Variants in SQOR observed in about 807,000 individuals in gnomAD.
SQOR encodes the protein sulfide:quinone oxidoreductase, mitochondrial.
In SQOR, 39 loss-of-function variants were observed where a neutral mutation model predicts 48.6. The observed-to-expected ratio is 0.80, with a 90% confidence interval of 0.62 to 1.05. SQOR has a LOEUF of 1.05. SQOR is among the 50% of genes least tolerant of loss of function. The pLI is 0.00. For synonymous variants in SQOR, 220 were observed against 206.2 expected (o/e 1.07, Z -0.57); for missense variants, 561 against 559.9 (o/e 1.00, Z -0.02).
rs151223533 is a variant in SQOR, at chr15:45,646,163, G to T, written c.-18+11055G>T. Among the ~76,000 whole-genome samples, 1,374 of 152,238 alleles carry T rather than the reference G, an allele frequency of 9.0e-3. 17 individuals carry two copies. Among genetic ancestry groups the T allele is most frequent in the African/African-American group, 0.032 (1,330 of 41,540 alleles). ...AACCCAGATCTGCCCCTGCTTAGAG[G>T]CCGGCCCCTCTAGGAGACAGCATGT... On this transcript the variant is annotated intron_variant, in intron 1 of 9. Transcript: ENST00000260324.
At chr15:45,640,496 A>C (rs1895086078) in intron 1 of SQOR, among the ~76,000 whole-genome samples, 1 of 152,150 alleles carries the variant, frequency 6.6e-6, no homozygotes. Context: ...CACAGAAGAG[A>C]CGTGAGCTGT....
chr15:45,643,352 C>T (rs575868889), intron 1 of SQOR, among the ~76,000 whole-genome samples: 22 of 152,250 alleles, frequency 1.4e-4, no homozygotes, highest in African/African-American at 2.9e-4. Flanking sequence ...CGTGCCACCA[C>T]GCCCAGCTAA....
intron 1 of SQOR, among the ~76,000 whole-genome samples, chr15:45,642,659 G>C (rs1352146644): frequency 2.0e-5 from 3 of 152,112 alleles, no homozygotes; most frequent in Non-Finnish European, 4.4e-5. Context: ...GATTCTCATT[G>C]CAAGTGATTC....
At chr15:45,661,290 TAAAAAAAAAAAAAAAAA>T (rs34286267) in intron 2 of SQOR, among the ~76,000 whole-genome samples, 2 of 67,528 alleles carry the variant, frequency 3.0e-5, no homozygotes, top group Admixed American at 3.8e-4. Context: ...GACTCTGTCT[TAAAAAAAAAAAAAAAAA>T]AAAAAAAGGA....
At chr15:45,682,446 A>C (rs772989567) in intron 6 of SQOR, 32 bp from the exon 7 acceptor site, 1 of 1,611,534 alleles carries the variant, frequency 6.2e-7, no homozygotes, top group Non-Finnish European at 8.5e-7. Flanking sequence ...ATATTGAATA[A>C]ATGAAAATGT....
At chr15:45,684,144 T>C (rs1451643433) in intron 7 of SQOR, among the ~76,000 whole-genome samples, 1 of 152,136 alleles carries the variant, frequency 6.6e-6, no homozygotes, top group African/African-American at 2.4e-5. Flanking sequence ...AACTCCTGGC[T>C]GCAGGTGATC....
intron 4 of SQOR, among the ~76,000 whole-genome samples, chr15:45,671,547 G>A (rs1889943648): frequency 6.6e-6 from 1 of 152,208 alleles, no homozygotes; most frequent in African/African-American, 2.4e-5. Flanking sequence ...CTAAGGGAAT[G>A]TAATAACCAT....
At chr15:45,647,328 CTTT>C (rs532535956) in intron 1 of SQOR, among the ~76,000 whole-genome samples, 4 of 140,518 alleles carry the variant, frequency 2.8e-5, no homozygotes, top group Admixed American at 7.1e-5. Context: ...GCTACTTTAA[CTTT>C]TTTTTTTTTT....
chr15:45,634,563 C>T (rs1894961820), upstream of SQOR, among the ~76,000 whole-genome samples: 1 of 152,128 alleles, frequency 6.6e-6, no homozygotes, highest in African/African-American at 2.4e-5. Flanking sequence ...CCTCGGTCAC[C>T]TTCTCTGTGA....
intron 2 of SQOR, among the ~76,000 whole-genome samples, chr15:45,659,695 C>G (rs1182387027): frequency 2.0e-5 from 3 of 152,166 alleles, no homozygotes; most frequent in African/African-American, 7.2e-5. Context: ...TCACATGACC[C>G]TTTTATAAAG....
intron 7 of SQOR, among the ~76,000 whole-genome samples, chr15:45,687,096 G>A (rs1019706216): frequency 1.3e-5 from 2 of 151,762 alleles, no homozygotes; most frequent in South Asian, 2.1e-4. Flanking sequence ...CACCATGCTC[G>A]GCCACAAACT....
In SQOR at chr15:45,659,007, C is replaced by A. The variant is rs200511008; in HGVS notation, c.84C>A (p.Gly28=). The A allele has an allele frequency of 3.1e-6, 5 of 1,602,686 alleles. No homozygotes were observed. The highest frequency in any genetic ancestry group is 4.5e-5 in the East Asian group (2 of 44,490). Residue 28 remains glycine (G), a synonymous_variant, in exon 2 of 10, where the codon GGC becomes GGA. Coordinates refer to ENST00000260324, the MANE Select transcript of SQOR (RefSeq NM_021199.4). ...CLLRLGTQQV[G]PLQLHTGASH... is the part of the protein sequence containing the mutation. ...TCAGGCTGGGCACTCAGCAGGTCGG[C>A]CCCCTTCAGCTGCACACCGGGGCCA...
At chr15:45,636,215 G>T (rs930440139) in intron 1 of SQOR, among the ~76,000 whole-genome samples, 15 of 151,988 alleles carry the variant, frequency 9.9e-5, no homozygotes, top group Non-Finnish European at 2.1e-4. Context: ...AACATTAAAA[G>T]AATTTATGAT....
At chr15:45,674,000 C>T in intron 5 of SQOR, 199 bp downstream of exon 5, 1 of 593,552 alleles carries the variant, frequency 1.7e-6, no homozygotes, top group South Asian at 2.2e-5. Flanking sequence ...TTTAATAAAG[C>T]TGCAGTTTTC....
At chr15:45,682,788 G>C in intron 7 of SQOR, 127 bp downstream of exon 7, 5 of 1,114,456 alleles carry the variant, frequency 4.5e-6, no homozygotes, top group Non-Finnish European at 6.3e-6. Context: ...AGCACTTTGG[G>C]AGACTCAGGC....
intron 3 of SQOR, among the ~76,000 whole-genome samples, chr15:45,662,954 G>C (rs1889747967): frequency 6.6e-6 from 1 of 152,196 alleles, no homozygotes. Flanking sequence ...TGTAGAATCA[G>C]AGTTGGGTGA....
intron 1 of SQOR, among the ~76,000 whole-genome samples, chr15:45,644,730 T>C (rs1476229004): frequency 1.3e-5 from 2 of 152,142 alleles, no homozygotes; most frequent in Non-Finnish European, 2.9e-5. Context: ...GGGAAAGGGC[T>C]GGCTAGGTTT....
rs181686326 is a variant in SQOR, at chr15:45,682,486, G to C, written c.873G>C (p.Met291Ile). The part of the protein sequence containing the change: ...PGETQVISYE[M>I]LHVTPPMSPP... ...TCTCTCTTTGTGTGTAGTATGAAAT[G>C]CTTCATGTCACACCTCCAATGAGCC... Residue 291 changes from methionine to isoleucine, a missense_variant, in exon 7 of 10, where the codon ATG becomes ATC. Met to Ile is a conservative substitution (Grantham distance 10, BLOSUM62 1). Transcript: ENST00000260324. The C allele has an allele frequency of 6.9e-5, 111 of 1,614,074 alleles. No individual in the cohort carries two copies. The African/African-American group carries it at 1.4e-3, about 21-fold the overall frequency.
intron 9 of SQOR, chr15:45,689,553 G>T: frequency 6.1e-6 from 1 of 164,886 alleles, no homozygotes; most frequent in South Asian, 1.6e-4. Flanking sequence ...GAGTAGCTGG[G>T]ATTACAGGTG....
Sources: gnomAD v4.1 joint callset for allele counts (sites outside exome capture counted in the v4.1 genomes callset) on GRCh38, gnomAD v4.1.1 for gene constraint, MANE v1.5 for transcripts, NCBI Gene and HGNC (gene_info 2026-07-23, HGNC 2026-07-21) for gene names.